Variants in RABGAP1L observed in about 807,000 individuals in gnomAD.
The protein encoded by RABGAP1L is RAB GTPase activating protein 1 like, also known as rab GTPase-activating protein 1-like.
A neutral mutation model predicts 137.7 loss-of-function variants in RABGAP1L; 63 were observed. The observed-to-expected ratio is 0.46, with a 90% CI of 0.37 to 0.56. The LOEUF (loss-of-function observed/expected upper bound fraction) is 0.56. Ranked by LOEUF, RABGAP1L falls within the 20% of genes least tolerant of loss-of-function variation. The pLI, the probability that RABGAP1L is intolerant of heterozygous loss-of-function variation, is 0.00. For missense variants in RABGAP1L, 1,095 were observed against 1,244.0 expected (o/e 0.88, Z 1.80); for synonymous variants, 431 against 433.7 (o/e 0.99, Z 0.08).
In RABGAP1L at chr1:174,712,364, C is replaced by G. The variant is rs888466815; in HGVS notation, c.2169+10108C>G. On this transcript the variant is annotated intron_variant, in intron 17 of 25. Transcript: ENST00000681986. ...ACTGCGAAGGTCTGCAGCTTCACTC[C>G]TGAAGCTAGTGAGACCACGAACCCA... Among the ~76,000 whole-genome samples the G allele has an allele frequency of 2.6e-5, 4 of 152,208 alleles. No homozygotes were observed. The East Asian group carries it at 7.7e-4, about 29-fold the overall frequency.
In RABGAP1L at chr1:174,800,197, T is replaced by G. The variant is rs1688625444; in HGVS notation, c.2212-11635T>G. 14 of 1,400,650 alleles carry G rather than the reference T, an allele frequency of 1.0e-5. 2 individuals are homozygous for G. In the South Asian group the frequency reaches 2.4e-4, roughly 24 times the overall value. 86.8% of individuals were successfully genotyped at this position (1,400,650 alleles called of 1,614,324 possible). A position where few individuals can be genotyped will look rare whatever the true frequency, so the allele number is the denominator to read the frequency against. On this transcript the variant is annotated intron_variant, in intron 18 of 25. Coordinates refer to ENST00000681986, the MANE Select transcript of RABGAP1L (RefSeq NM_001366446.1). ...CAAAATGTTTTTCTTGTGGAGACATTAGCTGACAATTCCCACCACAGACTG... is the reference window on the plus strand; with the variant it reads ...CAAAATGTTTTTCTTGTGGAGACATGAGCTGACAATTCCCACCACAGACTG...
At chr1:174,913,109 G>A (rs1233582670) in intron 19 of RABGAP1L, among the ~76,000 whole-genome samples, 1 of 151,984 alleles carries the variant, frequency 6.6e-6, no homozygotes, top group East Asian at 1.9e-4. Flanking sequence ...CCGAGTAGCT[G>A]GGATTACAAG....
chr1:174,716,573 A>T (rs1681029806), intron 17 of RABGAP1L, among the ~76,000 whole-genome samples: 1 of 152,224 alleles, frequency 6.6e-6, no homozygotes, highest in African/African-American at 2.4e-5. Context: ...GTTAAAAAAG[A>T]GGCATAATAG....
chr1:174,663,601 CACAT>C (rs1676550857), intron 14 of RABGAP1L, among the ~76,000 whole-genome samples: 1 of 152,190 alleles, frequency 6.6e-6, no homozygotes, highest in African/African-American at 2.4e-5. Context: ...TATATATACT[CACAT>C]ACACACACGT....
At chr1:174,409,296 G>T (rs1481258934) in intron 13 of RABGAP1L, among the ~76,000 whole-genome samples, 3 of 152,092 alleles carry the variant, frequency 2.0e-5, no homozygotes, top group African/African-American at 7.2e-5. Flanking sequence ...AACATAAATT[G>T]TGAAGATTTC....
chr1:174,612,778 G>T (rs1421041205), intron 13 of RABGAP1L, among the ~76,000 whole-genome samples: 3 of 152,186 alleles, frequency 2.0e-5, no homozygotes, highest in Non-Finnish European at 4.4e-5. Context: ...TCCTGGTTTA[G>T]TCTTGGGAGA....
intron 13 of RABGAP1L, among the ~76,000 whole-genome samples, chr1:174,401,303 C>CT (rs1409887628): frequency 5.3e-5 from 8 of 152,196 alleles, no homozygotes; most frequent in Admixed American, 4.6e-4. Flanking sequence ...GTCTCACTTC[C>CT]TTTTTTGGTA....
intron 19 of RABGAP1L, among the ~76,000 whole-genome samples, chr1:174,906,555 G>A (rs573847015): frequency 2.7e-4 from 41 of 152,170 alleles, no homozygotes; most frequent in African/African-American, 9.6e-4. Context: ...TGGAATCTGG[G>A]AGGCAGAGGT....
chr1:174,939,557 A>G (rs1665486554), intron 19 of RABGAP1L, among the ~76,000 whole-genome samples: 1 of 152,036 alleles, frequency 6.6e-6, no homozygotes. Flanking sequence ...CAAAAAAAAA[A>G]AAAAAGAAAA....
chr1:174,309,306 C>A (rs887621897), intron 11 of RABGAP1L, among the ~76,000 whole-genome samples: 1 of 151,952 alleles, frequency 6.6e-6, no homozygotes, highest in African/African-American at 2.4e-5. Context: ...ATCTGCAAAC[C>A]AGGACAATTT....
intron 10 of RABGAP1L, among the ~76,000 whole-genome samples, chr1:174,292,517 G>A (rs143973320): frequency 2.0e-5 from 3 of 151,418 alleles, no homozygotes; most frequent in Non-Finnish European, 4.4e-5. Context: ...TGTCCTATGG[G>A]TCATTCAGAA....
At chr1:174,621,953 A>T (rs1572561619) in intron 13 of RABGAP1L, among the ~76,000 whole-genome samples, 2 of 152,232 alleles carry the variant, frequency 1.3e-5, no homozygotes, top group African/African-American at 2.4e-5. Context: ...CCATCTACTC[A>T]TCTGACAAAG....
chr1:174,957,122 G>A (rs1324338411), intron 19 of RABGAP1L, among the ~76,000 whole-genome samples: 1 of 152,192 alleles, frequency 6.6e-6, no homozygotes, highest in Non-Finnish European at 1.5e-5. Flanking sequence ...TTATAACAGA[G>A]GTGGACAAAC....
At chr1:174,584,914 G>T (rs546039988) in intron 13 of RABGAP1L, among the ~76,000 whole-genome samples, 3 of 151,820 alleles carry the variant, frequency 2.0e-5, no homozygotes, top group Non-Finnish European at 4.4e-5. Flanking sequence ...TAGCTTCTCC[G>T]TTAAAATCTA....
intron 13 of RABGAP1L, among the ~76,000 whole-genome samples, chr1:174,401,904 T>C (rs748572143): frequency 1.6e-4 from 24 of 152,214 alleles, no homozygotes; most frequent in Non-Finnish European, 3.1e-4. Flanking sequence ...GGCAATGCCA[T>C]ACATAAACAC....
At chr1:174,908,218 G>T (rs1659435480) in intron 19 of RABGAP1L, among the ~76,000 whole-genome samples, 1 of 152,112 alleles carries the variant, frequency 6.6e-6, no homozygotes, top group Non-Finnish European at 1.5e-5. Context: ...GGGATTTTAA[G>T]CCCCACTCTC....
chr1:174,708,847 G>C (rs1680259653), intron 17 of RABGAP1L, among the ~76,000 whole-genome samples: 1 of 152,170 alleles, frequency 6.6e-6, no homozygotes, highest in African/African-American at 2.4e-5. Context: ...TGGAAAGGGG[G>C]CTGAAGCCAG....
chr1:174,621,486 G>A (rs1194481250), intron 13 of RABGAP1L, among the ~76,000 whole-genome samples: 2 of 152,134 alleles, frequency 1.3e-5, no homozygotes, highest in African/African-American at 4.8e-5. Flanking sequence ...AAACAGCATG[G>A]TACTGGTAGC....
intron 5 of RABGAP1L, among the ~76,000 whole-genome samples, chr1:174,248,474 A>G (rs1672445834): frequency 6.6e-6 from 1 of 152,176 alleles, no homozygotes; most frequent in Admixed American, 6.5e-5. Flanking sequence ...ATAATGAAGA[A>G]ATTTTGGGAA....
Sources: gnomAD v4.1 joint callset for allele counts (sites outside exome capture counted in the v4.1 genomes callset) on GRCh38, gnomAD v4.1.1 for gene constraint, MANE v1.5 for transcripts, NCBI Gene and HGNC (gene_info 2026-07-23, HGNC 2026-07-21) for gene names.